Variants in SF3A1 observed in about 807,000 individuals in gnomAD.
SF3A1 encodes the protein splicing factor 3a subunit 1.
A neutral mutation model predicts 89.9 loss-of-function variants in SF3A1; 13 were observed. The ratio of observed to expected loss-of-function variants is 0.14; its 90% CI spans 0.09 to 0.23. SF3A1 has a LOEUF of 0.23. SF3A1 is among the 10% of genes least tolerant of loss of function. SF3A1 has a pLI of 1.00. For synonymous variants in SF3A1, 405 were observed against 374.4 expected (o/e 1.08, Z -0.94); for missense variants, 604 against 1,022.1 (o/e 0.59, Z 5.58).
intron 11 of SF3A1, among the ~76,000 whole-genome samples, chr22:30,338,455 T>C (rs1407523610): frequency 8.5e-6 from 1 of 117,300 alleles, no homozygotes; most frequent in African/African-American, 3.3e-5. Flanking sequence ...CAAAACTTCA[T>C]CTCAAAAAAA....
Position 30,340,442 on chromosome 22 carries a change from T to A in SF3A1, c.1190-61A>T, listed in dbSNP as rs1329635618. The A allele has an allele frequency of 1.5e-5, 22 of 1,506,134 alleles. No individual in the cohort carries two copies. The East Asian group carries it at 5.0e-4, about 34-fold the overall frequency. The allele number at this position is 1,506,134 out of a possible 1,614,324, so 93.3% of individuals were successfully genotyped here. On this transcript the variant is annotated intron_variant, in intron 8 of 15. Transcript: ENST00000215793. ...TGGGCAGCCACCTGAGTTAAGAGGG[T>A]GGTATTTCATGCGTGCATCATTCAT...
rs1930967853 is a variant in SF3A1, at chr22:30,333,224, A to G, written c.*1370T>C. On this transcript the variant is annotated 3_prime_UTR_variant, in exon 16 of 16. Coordinates refer to ENST00000215793, the MANE Select transcript of SF3A1 (RefSeq NM_005877.6). ...CCCAGCAGTTTGTAATAAAGCCATA[A>G]AACTGGTACTGACTCTGGGTGAGAG... is the stretch of plus-strand genomic sequence containing the variant. 2 of 152,188 alleles carry G rather than the reference A, an allele frequency of 1.3e-5. No homozygotes were observed. Among genetic ancestry groups the G allele is most frequent in the South Asian group, 4.1e-4 (2 of 4,830 alleles). The allele number at this position is 152,188 out of a possible 1,614,324, so 9.4% of individuals were successfully genotyped here.
At chr22:30,334,807 G>A in intron 15 of SF3A1, 112 bp from the exon 16 acceptor site, 2 of 687,060 alleles carry the variant, frequency 2.9e-6, no homozygotes, top group Non-Finnish European at 4.9e-6. Context: ...GCAAATACAG[G>A]AGCTTGTGAG....
rs1012473689 is a variant in SF3A1, at chr22:30,342,442, C to T, written c.727-92G>A. ...TCCAGGGCTTTCATCAAAGTCAGCG[C>T]CTCCTTCGGAACAGAATGGAAGTAT... is the stretch of plus-strand genomic sequence containing the variant. On this transcript the variant is annotated intron_variant, in intron 5 of 15. Transcript: ENST00000215793. 4 of 1,387,086 alleles carry T rather than the reference C, an allele frequency of 2.9e-6. No individual in the cohort carries two copies. The African/African-American group carries it at 4.3e-5, about 15-fold the overall frequency. The allele number at this position is 1,387,086 out of a possible 1,614,324, so 85.9% of individuals were successfully genotyped here.
chr22:30,354,510 A>C (rs1013096116), intron 1 of SF3A1, among the ~76,000 whole-genome samples: 1 of 150,474 alleles, frequency 6.6e-6, no homozygotes, highest in Non-Finnish European at 1.5e-5. Flanking sequence ...GGAGATCCCC[A>C]CTCCCACCGC....
At chr22:30,352,792 C>G (rs1453037600) in intron 2 of SF3A1, 159 bp downstream of exon 2, 8 of 719,774 alleles carry the variant, frequency 1.1e-5, no homozygotes, top group Non-Finnish European at 1.6e-5. Context: ...GTCAGGGACA[C>G]CAGTCCTACC....
chr22:30,355,422 C>G (rs1421884463), intron 1 of SF3A1, among the ~76,000 whole-genome samples: 2 of 152,226 alleles, frequency 1.3e-5, no homozygotes, highest in African/African-American at 2.4e-5. Flanking sequence ...AAGAGCCTGC[C>G]TACCCCCTCT....
At position 30,334,572 on chromosome 22, in the gene SF3A1, C is replaced by G. The variant is rs1200256571; in HGVS notation, c.*22G>C. On this transcript the variant is annotated 3_prime_UTR_variant, in exon 16 of 16. Coordinates refer to ENST00000215793, the MANE Select transcript of SF3A1 (RefSeq NM_005877.6). ...GACAGGAGAGGCAAAATGGCAGGGA[C>G]TTGACAGCAGGTTCCTCTTGTCTAC... 4.0e-6 allele frequency: 6 copies of G among 1,509,224 alleles called. No homozygotes were observed. Among genetic ancestry groups the G allele is most frequent in the Non-Finnish European group, 4.5e-6 (5 of 1,120,958 alleles). 93.5% of individuals were successfully genotyped at this position (1,509,224 alleles called of 1,614,324 possible).
chr22:30,355,018 A>C (rs565798848), intron 1 of SF3A1, among the ~76,000 whole-genome samples: 1 of 152,136 alleles, frequency 6.6e-6, no homozygotes, highest in African/African-American at 2.4e-5. Context: ...GAAGAAGCCT[A>C]TAAGATTAAG....
chr22:30,334,998 A>C (rs1931022934), intron 15 of SF3A1, among the ~76,000 whole-genome samples: 1 of 152,192 alleles, frequency 6.6e-6, no homozygotes. Flanking sequence ...GGGATCACTT[A>C]GCCCAACAGC....
intron 15 of SF3A1, 100 bp from the exon 16 acceptor site, chr22:30,334,795 T>A: frequency 1.3e-6 from 1 of 772,412 alleles, no homozygotes; most frequent in Non-Finnish European, 2.1e-6. Context: ...GCTCTGGACT[T>A]AGCAAATACA....
At position 30,346,429 on chromosome 22, in the gene SF3A1, G is replaced by T. The variant is rs200247057; in HGVS notation, c.276C>A (p.Ala92=). ...ACTCGCTGACCTTGTGGCGGTAGTA[G>T]GCATGGTAAGGGTCATTGGGGTTCA... ...NFLNPNDPYH[A]YYRHKVSEFK... is the part of the protein sequence containing the mutation. The change falls in exon 3 of 16, where the codon GCC becomes GCA. Residue 92 remains alanine (A), a synonymous_variant. Transcript: ENST00000215793. 19 of 1,614,126 alleles carry T rather than the reference G, an allele frequency of 1.2e-5. No homozygotes were observed. Among genetic ancestry groups the T allele is most frequent in the Non-Finnish European group, 1.5e-5 (18 of 1,180,018 alleles).
chr22:30,350,998 T>C (rs963447531), intron 2 of SF3A1, among the ~76,000 whole-genome samples: 2 of 152,190 alleles, frequency 1.3e-5, no homozygotes, highest in Non-Finnish European at 2.9e-5. Context: ...AGAGCTGACA[T>C]AGTGAAAGTC....
intron 9 of SF3A1, 112 bp from the exon 10 acceptor site, chr22:30,339,363 G>T: frequency 7.7e-7 from 1 of 1,305,892 alleles, no homozygotes; most frequent in Non-Finnish European, 1.1e-6. Context: ...CATGGGATGA[G>T]GGTGACTCAG....
intron 2 of SF3A1, 87 bp downstream of exon 2, chr22:30,352,864 G>A (rs1004934072): frequency 7.3e-6 from 11 of 1,513,366 alleles, no homozygotes; most frequent in African/African-American, 5.6e-5. Context: ...AGCCAACAAC[G>A]TCTCTTTAAA....
At chr22:30,348,253 G>A (rs1406201660) in intron 2 of SF3A1, among the ~76,000 whole-genome samples, 1 of 152,204 alleles carries the variant, frequency 6.6e-6, no homozygotes, top group African/African-American at 2.4e-5. Context: ...CTTGTACTTA[G>A]AACTGCCCCA....
Position 30,345,149 on chromosome 22 carries a change from C to T in SF3A1, c.435G>A (p.Glu145=). Reference sequence around the variant, plus strand: ...CAATGAACTCAAACTCAGGAGGAGGCTCTTTGGGCACGATGGTCTCTTGGA... The same window carrying T: ...CAATGAACTCAAACTCAGGAGGAGGTTCTTTGGGCACGATGGTCTCTTGGA... ...QVIQETIVPK[E]PPPEFEFIAD... is the part of the protein sequence containing the mutation. The change falls in exon 4 of 16, where the codon GAG becomes GAA. Residue 145 remains glutamate, a synonymous_variant. Transcript: ENST00000215793. The T allele has an allele frequency of 6.2e-7, 1 of 1,614,062 alleles. No individual in the cohort carries two copies. The highest frequency in any genetic ancestry group is 8.5e-7 in the Non-Finnish European group (1 of 1,179,978).
intron 2 of SF3A1, among the ~76,000 whole-genome samples, chr22:30,349,475 T>G (rs973557313): frequency 7.9e-5 from 12 of 151,990 alleles, no homozygotes; most frequent in African/African-American, 2.9e-4. Flanking sequence ...AGAGACGAGG[T>G]TTCACTATGC....
intron 1 of SF3A1, among the ~76,000 whole-genome samples, chr22:30,355,033 CTT>C (rs369958820): frequency 9.1e-4 from 135 of 147,822 alleles, no homozygotes; most frequent in African/African-American, 3.1e-3. Flanking sequence ...ATTAAGTACT[CTT>C]TTTTTTTTTG....
Sources: allele counts gnomAD v4.1 joint callset (sites outside exome capture counted in the v4.1 genomes callset), GRCh38; gene constraint gnomAD v4.1.1; transcripts MANE v1.5; gene names NCBI Gene and HGNC (gene_info 2026-07-23, HGNC 2026-07-21).